Variants in PCDHGA6 observed in about 807,000 individuals in gnomAD.
PCDHGA6 encodes protocadherin gamma-A6.
PCDHGA6 carries 41 observed loss-of-function variants against 60.6 expected under a neutral mutation model. The observed-to-expected ratio is 0.68, with a 90% CI of 0.53 to 0.88. The LOEUF (loss-of-function observed/expected upper bound fraction) is 0.88. Ranked by LOEUF, PCDHGA6 falls within the 40% of genes least tolerant of loss-of-function variation. The pLI is 0.00. For synonymous variants in PCDHGA6, 594 were observed against 524.4 expected (o/e 1.13, Z -1.81); for missense variants, 1,312 against 1,203.0 (o/e 1.09, Z -1.34).
Position 141,383,159 on chromosome 5 carries a change from CG to C in PCDHGA6, c.2424+6655del, listed in dbSNP as rs546342817. ...CAGCGCAGCGGCAGCTTGGTCACTG[CG>C]GGCAGGATAGACCGGGAAGAGATCT... On this transcript the variant is annotated intron_variant, in intron 1 of 3. Transcript: ENST00000517434. 2.4e-4 allele frequency: 391 copies of C among 1,614,104 alleles called. 5 individuals are homozygous for C. In the South Asian group the frequency reaches 3.9e-3, roughly 16 times the overall value.
chr5:141,470,242 T>G (rs1301513342), intron 1 of PCDHGA6, among the ~76,000 whole-genome samples: 1 of 152,226 alleles, frequency 6.6e-6, no homozygotes, highest in African/African-American at 2.4e-5. Flanking sequence ...CCCTTGAATG[T>G]CCCACCTGTC....
chr5:141,419,616 AC>A, intron 1 of PCDHGA6: 1 of 1,612,204 alleles, frequency 6.2e-7, no homozygotes, highest in Non-Finnish European at 8.5e-7. Flanking sequence ...CAGCCAGGCT[AC>A]CTGGTGACCA....
At chr5:141,393,335 C>T (rs764386599) in intron 1 of PCDHGA6, 1 of 1,613,458 alleles carries the variant, frequency 6.2e-7, no homozygotes, top group South Asian at 1.1e-5. Flanking sequence ...AGCTCAGCCC[C>T]AATCACCACT....
intron 1 of PCDHGA6, chr5:141,422,812 T>C: frequency 6.2e-7 from 1 of 1,614,206 alleles, no homozygotes; most frequent in South Asian, 1.1e-5. Context: ...GTTTCGAGAC[T>C]TAGAACTGAG....
rs1171088976 is a variant in PCDHGA6, at chr5:141,375,677, G to C, written c.1594G>C (p.Val532Leu). The C allele has an allele frequency of 1.2e-6, 2 of 1,614,236 alleles. No individual in the cohort carries two copies. Among genetic ancestry groups the C allele is most frequent in the African/African-American group, 2.7e-5 (2 of 75,064 alleles). ...GCAGTTGAGAGACCTACAGCTGTGG[G>C]TGACAGCCAGCGACAGCGGGGACCC... ...YEQLRDLQLW[V>L]TASDSGDPPL... Residue 532 changes from valine to leucine, a missense_variant, in exon 1 of 4, where the codon GTG (valine) becomes CTG (leucine). Coordinates refer to ENST00000517434, the MANE Select transcript of PCDHGA6 (RefSeq NM_018919.3).
chr5:141,395,123 TC>T, intron 1 of PCDHGA6: 1 of 1,614,148 alleles, frequency 6.2e-7, no homozygotes, highest in Non-Finnish European at 8.5e-7. Flanking sequence ...ACCTGATCTT[TC>T]CCCAGCCCAA....
At chr5:141,423,659 A>T (rs369390148) in intron 1 of PCDHGA6, 133 of 1,551,038 alleles carry the variant, frequency 8.6e-5, no homozygotes, top group Non-Finnish European at 1.1e-4. Context: ...ACAAGTAATC[A>T]GGTGAGATTT....
At chr5:141,459,885 C>A (rs1333668105) in intron 1 of PCDHGA6, among the ~76,000 whole-genome samples, 1 of 152,106 alleles carries the variant, frequency 6.6e-6, no homozygotes, top group East Asian at 1.9e-4. Flanking sequence ...CTGAGCTGAA[C>A]GCCTTCTTAA....
rs745716373 is a variant in PCDHGA6, at chr5:141,383,166, G to A, written c.2424+6659G>A. 10 of 1,614,130 alleles carry A rather than the reference G, an allele frequency of 6.2e-6. No individual in the cohort carries two copies. In the Admixed American group the frequency reaches 1.3e-4, roughly 22 times the overall value. On this transcript the variant is annotated intron_variant, in intron 1 of 3. Coordinates refer to ENST00000517434, the MANE Select transcript of PCDHGA6 (RefSeq NM_018919.3). ...GCGGCAGCTTGGTCACTGCGGGCAG[G>A]ATAGACCGGGAAGAGATCTGCGCTC...
At position 141,376,417 on chromosome 5, in the gene PCDHGA6, G is replaced by T. The variant is rs750081761; in HGVS notation, c.2334G>T (p.Thr778=). ...TCCCCCAGCCCAACTATGCCGACAC[G>T]CTTATCAACCAGGAGAGCTATGAGA... ...LIFPQPNYAD[T]LINQESYEKS... Residue 778 remains threonine (T), a synonymous_variant, in exon 1 of 4, where the codon ACG becomes ACT. Coordinates refer to ENST00000517434, the MANE Select transcript of PCDHGA6 (RefSeq NM_018919.3). The T allele has an allele frequency of 1.2e-6, 2 of 1,614,148 alleles. No homozygotes were observed. Among genetic ancestry groups the T allele is most frequent in the South Asian group, 1.1e-5 (1 of 91,088 alleles).
intron 1 of PCDHGA6, chr5:141,399,640 G>A: frequency 6.2e-7 from 1 of 1,613,836 alleles, no homozygotes; most frequent in Non-Finnish European, 8.5e-7. Flanking sequence ...GTCCATGAGC[G>A]CGCAAAGTGG....
chr5:141,417,699 C>G, intron 1 of PCDHGA6: 1 of 1,164,548 alleles, frequency 8.6e-7, no homozygotes. Context: ...AACCAGCTCC[C>G]ACACAGAGGC....
intron 1 of PCDHGA6, chr5:141,393,176 A>G: frequency 1.9e-6 from 3 of 1,613,294 alleles, no homozygotes; most frequent in East Asian, 2.2e-5. Context: ...GGGTAGAAAT[A>G]GAAATAATTG....
At chr5:141,393,000 G>C (rs772046833) in intron 1 of PCDHGA6, 5 of 1,613,856 alleles carry the variant, frequency 3.1e-6, no homozygotes, top group African/African-American at 1.3e-5. Context: ...GGCGAAGCAC[G>C]GAGTCCGTAT....
chr5:141,431,674 G>A lies in PCDHGA6; in HGVS notation c.2424+55167G>A, dbSNP rs756385496. ...ATTCAGGGACAATATCAACAATAGG[G>A]GAGTTGGACCACGAGGAGTCAGGAT... On this transcript the variant is annotated intron_variant, in intron 1 of 3. Transcript: ENST00000517434. The surrounding 1 kb of genome is among the most constrained non-coding windows in gnomAD (Gnocchi z 4.8). 4 of 1,614,234 alleles carry A rather than the reference G, an allele frequency of 2.5e-6. No individual in the cohort carries two copies. The Admixed American group carries it at 6.7e-5, about 27-fold the overall frequency.
At chr5:141,383,916 T>A in intron 1 of PCDHGA6, 1 of 1,613,968 alleles carries the variant, frequency 6.2e-7, no homozygotes, top group Non-Finnish European at 8.5e-7. Context: ...CAGTTTTAGA[T>A]GTAAATGATA....
chr5:141,374,118 AGCAGGTCCT>A lies in PCDHGA6; in HGVS notation c.38_46del (p.Gln13_Leu15del), dbSNP rs761650555. On this transcript the variant is annotated inframe_deletion, in exon 1 of 4. Coordinates refer to ENST00000517434, the MANE Select transcript of PCDHGA6 (RefSeq NM_018919.3). ...CCGCAGAGGCATCCGCAGCGCAGCG[AGCAGGTCCT>A]GCTCCTCACGCTCCTGGGGACGCTG... 3.3e-5 allele frequency: 52 copies of A among 1,589,674 alleles called. 1 individual carries two copies. In the South Asian group the frequency reaches 5.5e-4, roughly 17 times the overall value.
chr5:141,423,539 T>C (rs747825176), intron 1 of PCDHGA6: 10 of 1,613,140 alleles, frequency 6.2e-6, no homozygotes, highest in Non-Finnish European at 8.5e-6. Flanking sequence ...CACCTGATTT[T>C]CCCCCAGCCC....
intron 1 of PCDHGA6, chr5:141,402,987 G>GATTA: frequency 6.2e-7 from 1 of 1,611,924 alleles, no homozygotes; most frequent in Non-Finnish European, 8.5e-7. Flanking sequence ...CTCCGCGGAA[G>GATTA]ATTAGTCCTG....
Sources: allele counts gnomAD v4.1 joint callset (sites outside exome capture counted in the v4.1 genomes callset), GRCh38; gene constraint gnomAD v4.1.1; non-coding constraint Gnocchi (gnomAD v3.1); transcripts MANE v1.5; gene names NCBI Gene and HGNC (gene_info 2026-07-23, HGNC 2026-07-21).